NAALADL2: variants seen among roughly 807,000 people sequenced by gnomAD.
NAALADL2 encodes the protein inactive N-acetylated-alpha-linked acidic dipeptidase-like protein 2.
NAALADL2 carries 76 observed loss-of-function variants against 87.2 expected under a neutral mutation model. That is an observed-to-expected ratio of 0.87 (90% confidence interval 0.72 to 1.05). The LOEUF is 1.05. Among genes scored for constraint, NAALADL2 ranks in the 50% least tolerant of loss-of-function variants. The pLI is 0.00. For missense variants in NAALADL2, 1,089 were observed against 945.8 expected, an observed-to-expected ratio of 1.15 and a Z score of -1.99; for synonymous variants, 354 against 331.0, an observed-to-expected ratio of 1.07 and a Z score of -0.75.
chr3:174,546,793 G>T (rs1391452899), intron 1 of NAALADL2, among the ~76,000 whole-genome samples: 1 of 152,132 alleles, frequency 6.6e-6, no homozygotes, highest in East Asian at 1.9e-4. Context: ...GAGTAGCTGA[G>T]ACTACAGGTG....
At chr3:175,283,585 A>C (rs543937397) in intron 4 of NAALADL2, among the ~76,000 whole-genome samples, 1 of 152,244 alleles carries the variant, frequency 6.6e-6, no homozygotes, top group South Asian at 2.1e-4. Context: ...CATTAACATC[A>C]TTATTTGCAG....
intron 9 of NAALADL2, among the ~76,000 whole-genome samples, chr3:175,496,162 T>A (rs1728783812): frequency 6.6e-6 from 1 of 152,136 alleles, no homozygotes; most frequent in African/African-American, 2.4e-5. Flanking sequence ...ACAATGTATT[T>A]AGATCACAAA....
intron 9 of NAALADL2, among the ~76,000 whole-genome samples, chr3:175,511,488 T>C (rs1731146679): frequency 6.6e-6 from 1 of 152,192 alleles, no homozygotes; most frequent in South Asian, 2.1e-4. Context: ...AAGAGAGCCA[T>C]CTGCAAGCCA....
intron 2 of NAALADL2, among the ~76,000 whole-genome samples, chr3:174,565,801 A>G (rs552199317): frequency 1.3e-5 from 2 of 152,094 alleles, no homozygotes; most frequent in African/African-American, 4.8e-5. Context: ...AATGAGTGAA[A>G]GTTTCTGTTA....
chr3:174,477,428 G>T (rs1407069797), intron 1 of NAALADL2, among the ~76,000 whole-genome samples: 1 of 152,094 alleles, frequency 6.6e-6, no homozygotes, highest in Non-Finnish European at 1.5e-5. Context: ...TCCCAGTGGA[G>T]CTTGTGTAGG....
At chr3:175,082,048 A>ATGTG (rs146559489) in intron 1 of NAALADL2, among the ~76,000 whole-genome samples, 67,181 of 150,678 alleles carry the variant, frequency 0.45, 15,475 homozygotes, top group Non-Finnish European at 0.52. Flanking sequence ...GTGTATGTGT[A>ATGTG]TGTGTGTGTG....
At chr3:175,307,111 T>C (rs532039480) in intron 4 of NAALADL2, among the ~76,000 whole-genome samples, 1 of 152,280 alleles carries the variant, frequency 6.6e-6, no homozygotes, top group East Asian at 1.9e-4. Context: ...ACCAGTATTC[T>C]ATTGTCACTA....
chr3:175,506,078 C>T (rs2149381721), intron 9 of NAALADL2, among the ~76,000 whole-genome samples: 1 of 152,236 alleles, frequency 6.6e-6, no homozygotes, highest in South Asian at 2.1e-4. Context: ...TTACCTTTTT[C>T]TGATACCTCA....
intron 4 of NAALADL2, among the ~76,000 whole-genome samples, chr3:175,267,209 T>C (rs982053220): frequency 2.0e-5 from 3 of 152,016 alleles, no homozygotes; most frequent in Non-Finnish European, 4.4e-5. Flanking sequence ...ATAAAAGTAT[T>C]TTCCTTGTGG....
intron 11 of NAALADL2, among the ~76,000 whole-genome samples, chr3:175,706,378 C>T (rs192791526): frequency 1.3e-5 from 2 of 151,980 alleles, no homozygotes; most frequent in East Asian, 3.9e-4. Context: ...AAATTAGGCA[C>T]AATAATAGAT....
In NAALADL2 at chr3:174,785,173, T is replaced by G. The variant is rs950233988; in HGVS notation, c.-9+47427T>G. 6.6e-5 allele frequency among the ~76,000 whole-genome samples: 10 copies of G among 152,150 alleles called. No homozygotes were observed. In the East Asian group the frequency reaches 1.9e-3, roughly 29 times the overall value. ...ACAGTTAGCTTTTGAGCCCTTCCCC[T>G]CCTTCTACTGTTTCCCTCTATTAGT... On this transcript the variant is annotated intron_variant, in intron 3 of 3. Transcript: ENST00000434257.
rs1255804768 is a variant in NAALADL2 at position 174,598,494 on chromosome 3, G to A, written c.-115+47857G>A. Among the ~76,000 whole-genome samples the A allele has an allele frequency of 8.5e-5, 13 of 152,112 alleles. 1 individual carries two copies. The highest frequency in any genetic ancestry group is 6.5e-4 in the Admixed American group (10 of 15,274). On this transcript the variant is annotated intron_variant, in intron 2 of 3. Coordinates refer to the NAALADL2 transcript ENST00000434257. ...AGATTTCTCCTCAGCCAAAGAAACC[G>A]TGTTATTTCTTGGTATCAGACACTT...
chr3:175,767,689 G>T (rs1748912719), intron 13 of NAALADL2: 4 of 152,042 alleles, frequency 2.6e-5, no homozygotes, highest in African/African-American at 9.7e-5. Flanking sequence ...ATATTTTAAA[G>T]TCAAGGAAGC....
chr3:174,547,078 G>A (rs900520274), intron 1 of NAALADL2, among the ~76,000 whole-genome samples: 1 of 152,072 alleles, frequency 6.6e-6, no homozygotes, highest in African/African-American at 2.4e-5. Context: ...AGATTGATTA[G>A]TTTTTGTTGG....
At chr3:175,645,410 G>T (rs73881331) in intron 11 of NAALADL2, among the ~76,000 whole-genome samples, 1,534 of 152,208 alleles carry the variant, frequency 0.01, 25 homozygotes, top group African/African-American at 0.035. Context: ...AAAAATATAT[G>T]TATAAATACA....
At chr3:175,672,484 T>G (rs1280476370) in intron 11 of NAALADL2, among the ~76,000 whole-genome samples, 1 of 152,150 alleles carries the variant, frequency 6.6e-6, no homozygotes, top group Non-Finnish European at 1.5e-5. Flanking sequence ...GCAAAGGGAA[T>G]AGGATGTTTG....
intron 11 of NAALADL2, among the ~76,000 whole-genome samples, chr3:175,712,052 T>C (rs1740606513): frequency 6.6e-6 from 1 of 151,954 alleles, no homozygotes. Flanking sequence ...GTCATAATGA[T>C]AAGTTATATA....
chr3:175,715,860 G>A (rs1164623968), intron 11 of NAALADL2, among the ~76,000 whole-genome samples: 2 of 151,968 alleles, frequency 1.3e-5, no homozygotes, highest in Non-Finnish European at 2.9e-5. Context: ...GGGTGACAGA[G>A]CAAGACTCTG....
chr3:174,787,943 C>T (rs1371375104), intron 3 of NAALADL2, among the ~76,000 whole-genome samples: 1 of 151,770 alleles, frequency 6.6e-6, no homozygotes, highest in Admixed American at 6.6e-5. Flanking sequence ...CAAAACAAAA[C>T]AAAACACCAA....
Sources: gnomAD v4.1 joint callset for allele counts (sites outside exome capture counted in the v4.1 genomes callset) on GRCh38, gnomAD v4.1.1 for gene constraint, MANE v1.5 for transcripts, NCBI Gene and HGNC (gene_info 2026-07-23, HGNC 2026-07-21) for gene names.